Variants in HEMK2 observed in about 807,000 individuals in gnomAD.
HEMK2 encodes methyltransferase HEMK2.
At chr21:28,804,524 CA>C in the HEMK2 span, among the ~76,000 whole-genome samples, 1 of 152,090 alleles carries the variant, frequency 6.6e-6, no homozygotes, top group East Asian at 1.9e-4. Context: ...CGTTTGAGCC[CA>C]GGAGTTCAAG....
the HEMK2 span, among the ~76,000 whole-genome samples, chr21:28,785,546 GC>G: frequency 1.3e-5 from 2 of 152,172 alleles, no homozygotes; most frequent in Admixed American, 1.3e-4. Flanking sequence ...TTGCTTCAGT[GC>G]TGTAACTTCT....
chr21:28,806,531 T>C, the HEMK2 span, among the ~76,000 whole-genome samples: 1 of 152,012 alleles, frequency 6.6e-6, no homozygotes, highest in South Asian at 2.1e-4. Flanking sequence ...TAAGATGAGG[T>C]CATGAATGAA....
At chr21:28,729,626 T>C in the HEMK2 span, among the ~76,000 whole-genome samples, 2 of 119,736 alleles carry the variant, frequency 1.7e-5, no homozygotes, top group Admixed American at 9.4e-5. Flanking sequence ...TAACGATTGC[T>C]GATAAGCAAA....
At chr21:28,613,483 C>T in the HEMK2 span, among the ~76,000 whole-genome samples, 2 of 151,976 alleles carry the variant, frequency 1.3e-5, no homozygotes, top group Non-Finnish European at 2.9e-5. Context: ...TCAGAATTCC[C>T]ACACTATAGA....
At chr21:28,637,483 G>T in the HEMK2 span, among the ~76,000 whole-genome samples, 3 of 151,906 alleles carry the variant, frequency 2.0e-5, no homozygotes, top group Admixed American at 1.3e-4. Context: ...GAATCCCCAT[G>T]TGTTGCTCTC....
the HEMK2 span, among the ~76,000 whole-genome samples, chr21:28,656,932 C>G: frequency 2.6e-5 from 4 of 152,058 alleles, no homozygotes; most frequent in African/African-American, 9.7e-5. Flanking sequence ...CCTTCTAAGA[C>G]TACTGTAAAC....
At chr21:28,826,765 A>C in the HEMK2 span, among the ~76,000 whole-genome samples, 62 of 152,346 alleles carry the variant, frequency 4.1e-4, no homozygotes, top group Non-Finnish European at 7.3e-4. Context: ...TGTAGAAATA[A>C]TCTTCTCAAT....
the HEMK2 span, among the ~76,000 whole-genome samples, chr21:28,797,048 T>A: frequency 6.6e-6 from 1 of 152,194 alleles, no homozygotes; most frequent in African/African-American, 2.4e-5. Context: ...TTCCGACAGT[T>A]TCTAGGACAG....
chr21:28,601,225 T>C, the HEMK2 span, among the ~76,000 whole-genome samples: 4 of 152,128 alleles, frequency 2.6e-5, no homozygotes, highest in African/African-American at 9.7e-5. Context: ...ATGTCATTTA[T>C]CTCCCAGCAC....
chr21:28,683,139 A>G, the HEMK2 span, among the ~76,000 whole-genome samples: 1 of 151,230 alleles, frequency 6.6e-6, no homozygotes, highest in African/African-American at 2.4e-5. Context: ...TTTATATTAT[A>G]TTTTAAAGGG....
the HEMK2 span, among the ~76,000 whole-genome samples, chr21:28,808,877 CAAATTT>C: frequency 1.3e-5 from 2 of 151,996 alleles, no homozygotes; most frequent in Non-Finnish European, 2.9e-5. Context: ...TCAACTTATT[CAAATTT>C]AATAGTTTTA....
At chr21:28,785,446 G>A in the HEMK2 span, among the ~76,000 whole-genome samples, 1 of 152,118 alleles carries the variant, frequency 6.6e-6, no homozygotes, top group Non-Finnish European at 1.5e-5. Flanking sequence ...CTTACCCCAT[G>A]ATAAATTACA....
chr21:28,785,553 C>T, the HEMK2 span, among the ~76,000 whole-genome samples: 1 of 152,200 alleles, frequency 6.6e-6, no homozygotes, highest in African/African-American at 2.4e-5. Flanking sequence ...AGTGCTGTAA[C>T]TTCTTGTAGC....
chr21:28,768,554 C>T, the HEMK2 span, among the ~76,000 whole-genome samples: 1 of 152,028 alleles, frequency 6.6e-6, no homozygotes, highest in Non-Finnish European at 1.5e-5. Context: ...CAAGAAGTAC[C>T]CTTCTCCTCA....
the HEMK2 span, among the ~76,000 whole-genome samples, chr21:28,660,379 C>T: frequency 1.1e-4 from 17 of 151,686 alleles, no homozygotes; most frequent in African/African-American, 4.1e-4. Flanking sequence ...AGGCAAAGTT[C>T]TTACTATTTT....
the HEMK2 span, among the ~76,000 whole-genome samples, chr21:28,615,633 T>C: frequency 6.6e-6 from 1 of 152,306 alleles, no homozygotes; most frequent in South Asian, 2.1e-4. Flanking sequence ...CTTCTGGTTA[T>C]TTCAAAACCA....
chr21:28,588,635 G>C, the HEMK2 span, among the ~76,000 whole-genome samples: 2 of 152,124 alleles, frequency 1.3e-5, no homozygotes, highest in Non-Finnish European at 2.9e-5. Flanking sequence ...GAGCAACATA[G>C]ATGTAATAAT....
chr21:28,781,383 T>C, the HEMK2 span, among the ~76,000 whole-genome samples: 14 of 152,270 alleles, frequency 9.2e-5, no homozygotes, highest in South Asian at 2.1e-3. Context: ...ATTGGGCAAA[T>C]GAGACATATA....
chr21:28,865,509 C>T, the HEMK2 span, among the ~76,000 whole-genome samples: 10 of 152,268 alleles, frequency 6.6e-5, 2 homozygotes, highest in African/African-American at 2.2e-4. Flanking sequence ...GTTGACTCCT[C>T]GCTTCTAGAA....
Sources: allele counts gnomAD v4.1 joint callset (sites outside exome capture counted in the v4.1 genomes callset), GRCh38; gene constraint gnomAD v4.1.1; transcripts MANE v1.5; gene names NCBI Gene and HGNC (gene_info 2026-07-23, HGNC 2026-07-21).